Variants in PRKCE observed in about 807,000 individuals in gnomAD.
PRKCE encodes the protein protein kinase C epsilon type.
PRKCE carries 16 observed loss-of-function variants against 85.4 expected under a neutral mutation model. The observed-to-expected ratio is 0.19, with a 90% CI of 0.13 to 0.28. PRKCE has a LOEUF of 0.28. Ranked by LOEUF, PRKCE falls within the 10% of genes least tolerant of loss-of-function variation. The probability of loss-of-function intolerance (pLI) is 1.00; values close to 1 mark genes in which losing one functional copy is unlikely to be tolerated. For missense variants in PRKCE, 573 were observed against 975.2 expected, an observed-to-expected ratio of 0.59 and a Z score of 5.49; for synonymous variants, 388 against 371.5, an observed-to-expected ratio of 1.04 and a Z score of -0.51.
At chr2:45,832,828 A>C (rs1443530054) in intron 1 of PRKCE, among the ~76,000 whole-genome samples, 1 of 152,200 alleles carries the variant, frequency 6.6e-6, no homozygotes, top group Admixed American at 6.5e-5. Flanking sequence ...TTAAATTCCT[A>C]AGCCTCAGTT....
chr2:45,930,262 G>A (rs910345723), intron 2 of PRKCE, among the ~76,000 whole-genome samples: 4 of 152,190 alleles, frequency 2.6e-5, no homozygotes, highest in African/African-American at 7.2e-5. Context: ...TTTGGAAAGC[G>A]CATGGATTAG....
chr2:45,915,128 A>G (rs544191404), intron 2 of PRKCE, among the ~76,000 whole-genome samples: 1 of 152,318 alleles, frequency 6.6e-6, no homozygotes, highest in East Asian at 1.9e-4. Context: ...ACCTCAGGTG[A>G]TCTGCCCACC....
At chr2:46,137,886 T>C (rs981415036) in intron 11 of PRKCE, among the ~76,000 whole-genome samples, 2 of 152,198 alleles carry the variant, frequency 1.3e-5, no homozygotes, top group Non-Finnish European at 2.9e-5. Context: ...CAGTTCTCCC[T>C]CAGTCTTAGA....
Position 45,869,088 on chromosome 2 carries a change from A to G in PRKCE, c.412+26025A>G, listed in dbSNP as rs61137698. Among the ~76,000 whole-genome samples, 509 of 152,270 alleles carry G rather than the reference A, an allele frequency of 3.3e-3. 3 individuals are homozygous for G. Among genetic ancestry groups the G allele is most frequent in the African/African-American group, 0.012 (487 of 41,552 alleles). On this transcript the variant is annotated intron_variant, in intron 2 of 14. Coordinates refer to ENST00000306156, the MANE Select transcript of PRKCE (RefSeq NM_005400.3). ...TTCATTTGGTGCATGGGTTTTCTTG[A>G]CTTTCTAGGTTCTTTGTGATAGGTG...
In PRKCE at chr2:45,695,932, T is replaced by C. The variant is rs2104139803; in HGVS notation, c.348+43484T>C. ...TGGTTAGAATAATTACTTAAAATTT[T>C]TCTTTTTTTATTTTATTATTATTAT... On this transcript the variant is annotated intron_variant, in intron 1 of 14. Transcript: ENST00000306156. 2.0e-5 allele frequency among the ~76,000 whole-genome samples: 3 copies of C among 152,336 alleles called. No homozygotes were observed. In the East Asian group the frequency reaches 5.8e-4, roughly 29 times the overall value.
chr2:45,884,402 G>T (rs574865075), intron 2 of PRKCE, among the ~76,000 whole-genome samples: 1 of 152,338 alleles, frequency 6.6e-6, no homozygotes, highest in African/African-American at 2.4e-5. Flanking sequence ...CAGGGTGGTG[G>T]TGAGGAAGGA....
intron 2 of PRKCE, among the ~76,000 whole-genome samples, chr2:45,845,072 T>A (rs937574597): frequency 2.0e-5 from 3 of 152,018 alleles, no homozygotes; most frequent in Admixed American, 2.0e-4. Context: ...TTTTTTTTTT[T>A]TTTTTTTAAA....
chr2:45,830,268 T>C (rs890048186), intron 1 of PRKCE, among the ~76,000 whole-genome samples: 2 of 148,026 alleles, frequency 1.4e-5, no homozygotes, highest in African/African-American at 2.6e-5. Flanking sequence ...CTTAGAAATA[T>C]GCTGCATTCA....
At chr2:45,661,535 T>TG (rs1488778232) in intron 1 of PRKCE, among the ~76,000 whole-genome samples, 5 of 136,634 alleles carry the variant, frequency 3.7e-5, no homozygotes, top group South Asian at 2.4e-4. Context: ...TTTTTGTTTT[T>TG]TTTTTTTTTT....
At chr2:45,846,427 C>T (rs1691794024) in intron 2 of PRKCE, among the ~76,000 whole-genome samples, 1 of 152,160 alleles carries the variant, frequency 6.6e-6, no homozygotes. Context: ...GAGAGTTCTT[C>T]AGCATCTAAA....
At chr2:45,801,119 T>C (rs1324532440) in intron 1 of PRKCE, among the ~76,000 whole-genome samples, 2 of 151,778 alleles carry the variant, frequency 1.3e-5, no homozygotes, top group African/African-American at 4.8e-5. Context: ...GGCAGTTGAG[T>C]GGGCCAAGTT....
At chr2:45,995,099 G>A (rs1172486143) in intron 6 of PRKCE, among the ~76,000 whole-genome samples, 1 of 152,124 alleles carries the variant, frequency 6.6e-6, no homozygotes, top group Non-Finnish European at 1.5e-5. Context: ...TTGGCGAGGT[G>A]TATGCTCAAG....
At chr2:45,969,385 C>T (rs1444333493) in intron 2 of PRKCE, among the ~76,000 whole-genome samples, 1 of 152,184 alleles carries the variant, frequency 6.6e-6, no homozygotes, top group African/African-American at 2.4e-5. Context: ...GTCAGCCAAC[C>T]TTGATGTTGC....
intron 1 of PRKCE, among the ~76,000 whole-genome samples, chr2:45,811,069 G>C (rs1272180190): frequency 2.6e-5 from 4 of 152,210 alleles, no homozygotes; most frequent in Non-Finnish European, 5.9e-5. Context: ...CCTATGGCGA[G>C]ATTTAGTCAC....
intron 6 of PRKCE, among the ~76,000 whole-genome samples, chr2:45,989,843 A>G (rs1011943905): frequency 2.6e-5 from 4 of 152,204 alleles, no homozygotes; most frequent in African/African-American, 9.7e-5. Context: ...CTTACTGTCA[A>G]AGATCCAAGC....
intron 1 of PRKCE, among the ~76,000 whole-genome samples, chr2:45,768,191 A>G (rs373353837): frequency 2.0e-5 from 3 of 151,734 alleles, no homozygotes; most frequent in African/African-American, 7.3e-5. Context: ...TCTCTTAGGA[A>G]ATTTGACCAT....
At chr2:45,864,158 G>C (rs1046806318) in intron 2 of PRKCE, among the ~76,000 whole-genome samples, 1 of 152,164 alleles carries the variant, frequency 6.6e-6, no homozygotes, top group African/African-American at 2.4e-5. Context: ...GCGTCATTCT[G>C]CTCTCTCTGG....
At chr2:45,872,183 G>C (rs1400196753) in intron 2 of PRKCE, among the ~76,000 whole-genome samples, 1 of 152,178 alleles carries the variant, frequency 6.6e-6, no homozygotes, top group South Asian at 2.1e-4. Context: ...GGGATGCTGG[G>C]ATGTTAGGGG....
intron 1 of PRKCE, among the ~76,000 whole-genome samples, chr2:45,732,401 A>G (rs1029604969): frequency 1.3e-5 from 2 of 152,170 alleles, no homozygotes; most frequent in African/African-American, 4.8e-5. Context: ...GTTTCAGAGT[A>G]CCTATCATAT....
Sources: gnomAD v4.1 joint callset for allele counts (sites outside exome capture counted in the v4.1 genomes callset) on GRCh38, gnomAD v4.1.1 for gene constraint, MANE v1.5 for transcripts, NCBI Gene and HGNC (gene_info 2026-07-23, HGNC 2026-07-21) for gene names.